SLC8A1: variants seen among roughly 807,000 people sequenced by gnomAD.
SLC8A1 encodes the protein solute carrier family 8 member A1.
Under a neutral mutation model 68.3 loss-of-function variants are expected in SLC8A1, and 18 were observed. The ratio of observed to expected loss-of-function variants is 0.26; its 90% CI spans 0.18 to 0.39. The LOEUF is 0.39. Ranked by LOEUF, SLC8A1 falls within the 10% of genes least tolerant of loss-of-function variation. SLC8A1 has a pLI of 1.00. For synonymous variants in SLC8A1, 475 were observed against 415.5 expected (o/e 1.14, Z -1.74); for missense variants, 985 against 1,156.7 (o/e 0.85, Z 2.15).
chr2:40,378,902 CACTCTA>C lies in SLC8A1; in HGVS notation c.1808+49565_1808+49570del, dbSNP rs368839284. Among the ~76,000 whole-genome samples the C allele has an allele frequency of 9.2e-5, 14 of 152,164 alleles. No homozygotes were observed. In the East Asian group the frequency reaches 1.6e-3, roughly 17 times the overall value. On this transcript the variant is annotated intron_variant, in intron 2 of 7. Transcript: ENST00000406785. ...CATATTCTAAAGTAGCAGTATCAAA[CACTCTA>C]TCTCCTTCTCCTGCCTAAGTTGTAT...
chr2:40,384,824 T>C (rs1683046839), intron 2 of SLC8A1, among the ~76,000 whole-genome samples: 1 of 152,100 alleles, frequency 6.6e-6, no homozygotes, highest in Non-Finnish European at 1.5e-5. Context: ...CGGCATTTTA[T>C]CTTCTATTGC....
intron 6 of SLC8A1, among the ~76,000 whole-genome samples, chr2:40,144,875 AG>A (rs1254613068): frequency 4.0e-5 from 6 of 149,444 alleles, no homozygotes; most frequent in African/African-American, 1.5e-4. Context: ...AAATTATTAT[AG>A]GGAGGCAAAT....
chr2:40,149,066 T>G (rs1034185054), intron 6 of SLC8A1, among the ~76,000 whole-genome samples: 1 of 152,352 alleles, frequency 6.6e-6, no homozygotes, highest in East Asian at 1.9e-4. Context: ...TCTTTTTTAT[T>G]TGGTCAAGGC....
At chr2:40,507,919 C>A (rs894160523) in intron 1 of SLC8A1, among the ~76,000 whole-genome samples, 6 of 152,012 alleles carry the variant, frequency 3.9e-5, no homozygotes, top group African/African-American at 1.4e-4. Flanking sequence ...AGGATTTTAA[C>A]TGCAACAACA....
chr2:40,235,785 T>G (rs1465855920), intron 2 of SLC8A1, among the ~76,000 whole-genome samples: 1 of 149,712 alleles, frequency 6.7e-6, no homozygotes, highest in Admixed American at 6.7e-5. Flanking sequence ...ATCCCAGAGA[T>G]TCTGGTATGT....
At chr2:40,455,526 T>C (rs1702947467), upstream of SLC8A1, among the ~76,000 whole-genome samples, 1 of 150,776 alleles carries the variant, frequency 6.6e-6, no homozygotes, top group African/African-American at 2.4e-5. Flanking sequence ...CTCAGTTTCA[T>C]AGTGATTTCT....
intron 1 of SLC8A1, among the ~76,000 whole-genome samples, chr2:40,495,400 G>T (rs114386028): frequency 0.012 from 1,846 of 152,160 alleles, 40 homozygotes; most frequent in African/African-American, 0.042. Flanking sequence ...GGAGGAAAGC[G>T]AAGGATCCGA....
At chr2:40,284,390 T>G (rs1269297106) in intron 2 of SLC8A1, among the ~76,000 whole-genome samples, 1 of 147,312 alleles carries the variant, frequency 6.8e-6, no homozygotes, top group Non-Finnish European at 1.5e-5. Context: ...ATATATGATA[T>G]ATACATACAC....
At chr2:40,430,776 A>C (rs533446814) in intron 1 of SLC8A1, among the ~76,000 whole-genome samples, 36 of 152,266 alleles carry the variant, frequency 2.4e-4, no homozygotes, top group South Asian at 8.3e-4. Context: ...TGCCAAAAGC[A>C]CCTTATTACA....
At chr2:40,506,516 T>C (rs762503218) in intron 1 of SLC8A1, among the ~76,000 whole-genome samples, 6 of 151,938 alleles carry the variant, frequency 3.9e-5, no homozygotes, top group Non-Finnish European at 7.4e-5. Flanking sequence ...GTTTTTAGCA[T>C]ATTGGGTTCT....
At chr2:40,499,606 G>A (rs1160019333) in intron 1 of SLC8A1, among the ~76,000 whole-genome samples, 1 of 152,058 alleles carries the variant, frequency 6.6e-6, no homozygotes, top group African/African-American at 2.4e-5. Context: ...CCTAGAGGCT[G>A]TCTGCCCACA....
Position 40,392,002 on chromosome 2 carries a change from A to T in SLC8A1, c.1808+36471T>A, listed in dbSNP as rs1685412255. Among the ~76,000 whole-genome samples, 3 of 152,066 alleles carry T rather than the reference A, an allele frequency of 2.0e-5. No homozygotes were observed. In the South Asian group the frequency reaches 6.2e-4, roughly 31 times the overall value. On this transcript the variant is annotated intron_variant, in intron 2 of 7. Coordinates refer to ENST00000406785, the Ensembl canonical transcript of SLC8A1. ...TTCTTCTCATTCAGTCCTTAAGTGGAAACAGCAAAATGCTGGTTGCCTTCT... is the reference window on the plus strand; with the variant it reads ...TTCTTCTCATTCAGTCCTTAAGTGGTAACAGCAAAATGCTGGTTGCCTTCT...
intron 1 of SLC8A1, among the ~76,000 whole-genome samples, chr2:40,495,060 T>G (rs536777100): frequency 6.6e-6 from 1 of 151,732 alleles, no homozygotes; most frequent in South Asian, 2.1e-4. Flanking sequence ...GGAGGTGAGG[T>G]TTGGTACTGG....
chr2:40,395,067 C>T (rs1276702567), intron 2 of SLC8A1, among the ~76,000 whole-genome samples: 1 of 152,122 alleles, frequency 6.6e-6, no homozygotes, highest in Non-Finnish European at 1.5e-5. Flanking sequence ...CACTGATGTC[C>T]AGAAAACAGG....
intron 2 of SLC8A1, among the ~76,000 whole-genome samples, chr2:40,366,827 ATGGATATTTTG>A (rs1676350745): frequency 6.6e-6 from 1 of 151,370 alleles, no homozygotes; most frequent in Admixed American, 6.6e-5. Flanking sequence ...TTTACATTTT[ATGGATATTTTG>A]CCATCGCCAA....
intron 1 of SLC8A1, among the ~76,000 whole-genome samples, chr2:40,474,571 G>A (rs1056409692): frequency 1.3e-5 from 2 of 152,108 alleles, no homozygotes; most frequent in Non-Finnish European, 2.9e-5. Flanking sequence ...AGAAATGGTG[G>A]TAACAGTAGC....
At chr2:40,175,896 A>C in intron 3 of SLC8A1, 1 of 382,696 alleles carries the variant, frequency 2.6e-6, no homozygotes, top group Admixed American at 3.2e-5. Context: ...CTTATGTTTT[A>C]AAATCCTTAA....
intron 6 of SLC8A1, among the ~76,000 whole-genome samples, chr2:40,147,709 C>T (rs1028821951): frequency 2.6e-5 from 4 of 152,074 alleles, no homozygotes; most frequent in African/African-American, 9.7e-5. Flanking sequence ...ATGTTATGTC[C>T]TAGAGAATGT....
At chr2:40,489,733 T>C (rs1411056277) in intron 1 of SLC8A1, among the ~76,000 whole-genome samples, 1 of 152,066 alleles carries the variant, frequency 6.6e-6, no homozygotes, top group Non-Finnish European at 1.5e-5. Context: ...CCTTGAGGCT[T>C]CAGCTCCATC....
Sources: allele counts gnomAD v4.1 joint callset (sites outside exome capture counted in the v4.1 genomes callset), GRCh38; gene constraint gnomAD v4.1.1; transcripts MANE v1.5; gene names NCBI Gene and HGNC (gene_info 2026-07-23, HGNC 2026-07-21).